The following KRT8 variants were observed in gnomAD, a reference collection of about 807,000 sequenced individuals.
KRT8 encodes the protein keratin 8.
Under a neutral mutation model 43.0 loss-of-function variants are expected in KRT8, and 24 were observed. That is an observed-to-expected ratio of 0.56 (90% CI 0.40 to 0.78). The LOEUF is 0.78. Among genes scored for constraint, KRT8 ranks in the 30% least tolerant of loss-of-function variants. The probability of loss-of-function intolerance (pLI) is 0.00; values close to 1 mark genes in which losing one functional copy is unlikely to be tolerated. For synonymous variants in KRT8, 214 were observed against 261.2 expected, an observed-to-expected ratio of 0.82 and a Z score of 1.74; for missense variants, 492 against 638.4, an observed-to-expected ratio of 0.77 and a Z score of 2.47.
upstream of KRT8, chr12:52,906,903 G>C: frequency 5.3e-6 from 2 of 378,328 alleles, no homozygotes; most frequent in South Asian, 3.9e-5. Context: ...CAGAAGGACA[G>C]AGAGACCCAG....
chr12:52,930,540 C>T (rs1304474159), intron 2 of KRT8, among the ~76,000 whole-genome samples: 3 of 147,902 alleles, frequency 2.0e-5, no homozygotes, highest in Non-Finnish European at 4.5e-5. Flanking sequence ...GTCTTCCAAA[C>T]TTTCCTTTTT....
At chr12:52,898,679 C>T (rs375020580) in exon 6 of KRT8, 6 of 1,614,092 alleles carry the variant, frequency 3.7e-6, no homozygotes, top group East Asian at 4.5e-5. Flanking sequence ...CCACACCCAC[C>T]GGCTCTCCTC....
At chr12:52,932,066 G>A (rs1942093620) in intron 2 of KRT8, among the ~76,000 whole-genome samples, 1 of 151,794 alleles carries the variant, frequency 6.6e-6, no homozygotes, top group African/African-American at 2.4e-5. Flanking sequence ...CAAATTGTTG[G>A]GATTATAGGC....
At chr12:52,901,214 T>G in exon 3 of KRT8, 1 of 1,610,742 alleles carries the variant, frequency 6.2e-7, no homozygotes, top group South Asian at 1.1e-5. Flanking sequence ...GATCTCATCC[T>G]CATACCTGTG....
chr12:52,921,292 A>G (rs1941881581), intron 2 of KRT8, among the ~76,000 whole-genome samples: 1 of 152,178 alleles, frequency 6.6e-6, no homozygotes, highest in African/African-American at 2.4e-5. Context: ...GGGAACATTA[A>G]GAGAAGCTTA....
intron 2 of KRT8, among the ~76,000 whole-genome samples, chr12:52,918,257 A>AAGAAGAAGAAGGAGAAGAAGAAGAAGAAG (rs1592174901): frequency 6.6e-6 from 1 of 151,434 alleles, no homozygotes; most frequent in African/African-American, 2.4e-5. Context: ...GAAGAAGAAG[A>AAGAAGAAGAAGGAGAAGAAGAAGAAGAAG]AACAAAACAG....
chr12:52,945,757 C>T (rs1942333649), intron 2 of KRT8, among the ~76,000 whole-genome samples: 1 of 152,094 alleles, frequency 6.6e-6, no homozygotes, highest in South Asian at 2.1e-4. Context: ...TTCCGGATTC[C>T]CCCCTGCCGA....
exon 1 of KRT8, chr12:52,905,028 C>T (rs957067261): frequency 1.3e-6 from 2 of 1,570,724 alleles, no homozygotes; most frequent in African/African-American, 1.4e-5. Context: ...GGCGGAGATC[C>T]TAGAAGGAGC....
intron 5 of KRT8, 108 bp downstream of exon 5, chr12:52,899,667 T>A: frequency 1.0e-6 from 1 of 982,844 alleles, no homozygotes; most frequent in Non-Finnish European, 1.5e-6. Flanking sequence ...TCCTGAACCC[T>A]GGTCTAGGAT....
chr12:52,908,286 C>T (rs184969551), upstream of KRT8, among the ~76,000 whole-genome samples: 22 of 152,018 alleles, frequency 1.4e-4, no homozygotes, highest in African/African-American at 4.8e-4. Context: ...AGTGCAGTGG[C>T]GCAATCTCGG....
intron 2 of KRT8, among the ~76,000 whole-genome samples, chr12:52,934,023 T>A (rs1305444682): frequency 2.2e-5 from 3 of 138,332 alleles, no homozygotes; most frequent in Non-Finnish European, 3.1e-5. Flanking sequence ...AGGTCAGGAG[T>A]TCAAGACCAG....
chr12:52,933,677 C>T (rs1428169163), intron 2 of KRT8, among the ~76,000 whole-genome samples: 1 of 151,790 alleles, frequency 6.6e-6, no homozygotes. Context: ...CAGGCTGAAG[C>T]GCAATGGGAC....
chr12:52,923,521 G>A (rs933589373), intron 2 of KRT8, among the ~76,000 whole-genome samples: 13 of 152,128 alleles, frequency 8.5e-5, no homozygotes, highest in East Asian at 3.9e-4. Flanking sequence ...CTGGGTTCAC[G>A]CCATTCTCCT....
intron 2 of KRT8, among the ~76,000 whole-genome samples, chr12:52,937,960 A>T (rs183709832): frequency 6.8e-6 from 1 of 147,380 alleles, no homozygotes; most frequent in Non-Finnish European, 1.5e-5. Context: ...AGATCGTGCC[A>T]TTGCACTCCA....
Position 52,938,154 on chromosome 12 carries a change from ATATATATATATATATATTTTT to A in KRT8, c.-47+11281_-47+11301del, listed in dbSNP as rs1260738204. On this transcript the variant is annotated intron_variant, in intron 2 of 6. Transcript: ENST00000546826. ...TAGAAAGCTATATATATATATATATATATATATATATATATATTTTTTTTTTTTTTTATATATAAGGTCTTG... is the reference window on the plus strand; with the variant it reads ...TAGAAAGCTATATATATATATATATATTTTTTTTTTATATATAAGGTCTTG... Among the ~76,000 whole-genome samples, 3 of 34,372 alleles carry A rather than the reference ATATATATATATATATATTTTT, an allele frequency of 8.7e-5. No individual in the cohort carries two copies. In the East Asian group the frequency reaches 3.3e-3, roughly 38 times the overall value. The allele number at this position is 34,372 out of a possible 152,430, so 22.5% of individuals were successfully genotyped here. A position where few individuals can be genotyped will look rare whatever the true frequency, so the allele number is the denominator to read the frequency against.
At chr12:52,902,417 G>A (rs1319325727) in intron 1 of KRT8, among the ~76,000 whole-genome samples, 5 of 151,986 alleles carry the variant, frequency 3.3e-5, no homozygotes, top group Non-Finnish European at 4.4e-5. Flanking sequence ...AGTCTCCGGC[G>A]CCCAGGCTGG....
At chr12:52,927,435 A>G (rs1230333396) in intron 2 of KRT8, among the ~76,000 whole-genome samples, 1 of 152,206 alleles carries the variant, frequency 6.6e-6, no homozygotes, top group Non-Finnish European at 1.5e-5. Context: ...CTAGGGAGAC[A>G]CTTGGGTGTT....
chr12:52,898,905 G>A lies in KRT8; in HGVS notation c.982-6C>T. 1.9e-6 allele frequency: 3 copies of A among 1,612,902 alleles called. No homozygotes were observed. Among genetic ancestry groups the A allele is most frequent in the East Asian group, 2.2e-5 (1 of 44,870 alleles). ...GCGGCCTCCAGGGAAGCCCTCTGTG[G>A]GGTAGGGGACAGGTAAGTAGGTCAG... On this transcript the variant is annotated splice_region_variant and splice_polypyrimidine_tract_variant and intron_variant, in intron 5 of 7. Transcript: ENST00000692008.
intron 2 of KRT8, among the ~76,000 whole-genome samples, chr12:52,931,946 C>A (rs143953354): frequency 6.6e-6 from 1 of 151,768 alleles, no homozygotes; most frequent in Admixed American, 6.6e-5. Context: ...TACAGGCATG[C>A]GCCACTGCGC....
Sources: gnomAD v4.1 joint callset for allele counts (sites outside exome capture counted in the v4.1 genomes callset) on GRCh38, gnomAD v4.1.1 for gene constraint, MANE v1.5 for transcripts, NCBI Gene and HGNC (gene_info 2026-07-23, HGNC 2026-07-21) for gene names.